The following SLC7A14 variants were observed in gnomAD, a reference collection of about 807,000 sequenced individuals.
SLC7A14 encodes solute carrier family 7 member 14, also known as gamma-aminobutyric acid transporter SLC7A14.
A neutral mutation model predicts 60.2 loss-of-function variants in SLC7A14; 37 were observed. The observed-to-expected ratio is 0.61, with a 90% CI of 0.47 to 0.81. The LOEUF is 0.81. Ranked by LOEUF, SLC7A14 falls within the 30% of genes least tolerant of loss-of-function variation. The pLI, the probability that SLC7A14 is intolerant of heterozygous loss-of-function variation, is 0.00. For missense variants in SLC7A14, 886 were observed against 982.7 expected (o/e 0.90, Z 1.32); for synonymous variants, 399 against 395.8 (o/e 1.01, Z -0.10).
chr3:170,503,785 T>G (rs1052651514), intron 2 of SLC7A14, among the ~76,000 whole-genome samples: 1 of 152,208 alleles, frequency 6.6e-6, no homozygotes, highest in African/African-American at 2.4e-5. Context: ...AATACCCCCA[T>G]TTTGCCACCA....
At position 170,480,761 on chromosome 3, in the gene SLC7A14, G is replaced by T; in HGVS notation, c.1521C>A (p.Asn507Lys). Residue 507 changes from asparagine (N) to lysine (K), a missense_variant, in exon 7 of 8, where the codon AAC (asparagine) becomes AAA (lysine). Asn to Lys is a moderately conservative substitution (Grantham distance 94, BLOSUM62 0). Coordinates refer to ENST00000231706, the MANE Select transcript of SLC7A14 (RefSeq NM_020949.3). ...TGTCCACGGTGCCGTAATTGGGGTG[G>T]TTGACGTTGTAGGTTGACTTGTCTG... ...GKSDKSTYNV[N>K]HPNYGTVDMT... The T allele has an allele frequency of 1.2e-6, 2 of 1,614,202 alleles. No homozygotes were observed. Among genetic ancestry groups the T allele is most frequent in the Non-Finnish European group, 1.7e-6 (2 of 1,180,042 alleles).
In SLC7A14 at chr3:170,510,545, C is replaced by T. The variant is rs192473065; in HGVS notation, c.305-9200G>A. On this transcript the variant is annotated intron_variant, in intron 2 of 7. Transcript: ENST00000231706. Reference sequence around the variant, plus strand: ...GAATTCAAGTATTATCTTGTCTGGTCATGCTATTGTTAATAATCATCATCA... The same window carrying T: ...GAATTCAAGTATTATCTTGTCTGGTTATGCTATTGTTAATAATCATCATCA... Among the ~76,000 whole-genome samples, 6 of 152,178 alleles carry T rather than the reference C, an allele frequency of 3.9e-5. No homozygotes were observed. The East Asian group carries it at 1.2e-3, about 29-fold the overall frequency.
chr3:170,498,840 C>T lies in SLC7A14; in HGVS notation c.586G>A (p.Ala196Thr), dbSNP rs761119299. 158 of 1,613,968 alleles carry T rather than the reference C, an allele frequency of 9.8e-5. No homozygotes were observed. The East Asian group carries it at 1.3e-3, about 13-fold the overall frequency. The change falls in exon 4 of 8, where the codon GCG becomes ACG. Residue 196 changes from alanine (A) to threonine (T), a missense_variant. Transcript: ENST00000231706. ...SYPDLLALLI[A>T]VIVTIIVALG... ...GCAACAATGATGGTCACGATGACCG[C>T]GATCAACAGAGCCAGAAGGTCTGGG...
At chr3:170,469,225 T>TTGCTGCTG (rs1301424842) in intron 7 of SLC7A14, among the ~76,000 whole-genome samples, 1 of 152,192 alleles carries the variant, frequency 6.6e-6, no homozygotes, top group Non-Finnish European at 1.5e-5. Context: ...CAAGCCTGCT[T>TTGCTGCTG]TGCTGCTGTG....
At chr3:170,515,312 G>GCCCC in intron 2 of SLC7A14, among the ~76,000 whole-genome samples, 1 of 113,348 alleles carries the variant, frequency 8.8e-6, no homozygotes, top group African/African-American at 3.0e-5. Flanking sequence ...GACTCTGTCC[G>GCCCC]CCCCCCCCAA....
At chr3:170,560,191 T>G (rs900834560) in intron 1 of SLC7A14, among the ~76,000 whole-genome samples, 4 of 152,172 alleles carry the variant, frequency 2.6e-5, no homozygotes, top group Non-Finnish European at 5.9e-5. Flanking sequence ...GAAAAATTTC[T>G]TTTCTTAAGT....
In SLC7A14 at chr3:170,480,524, A is replaced by T. The variant is rs1711775138; in HGVS notation, c.1758T>A (p.Gly586=). The T allele has an allele frequency of 2.5e-6, 4 of 1,614,222 alleles. No homozygotes were observed. Among genetic ancestry groups the T allele is most frequent in the Admixed American group, 1.7e-5 (1 of 60,022 alleles). ...AGCTCTGCTCTGAGATGTAGTCAGA[A>T]CCAAAGATGATGAAGGAGCAGAAGA... ...MFIFCSFIIF[G]SDYISEQSWW... is the part of the protein sequence containing the mutation. Residue 586 remains glycine, a synonymous_variant, in exon 7 of 8, where the codon GGT becomes GGA. Coordinates refer to ENST00000231706, the MANE Select transcript of SLC7A14 (RefSeq NM_020949.3).
chr3:170,563,330 G>T (rs771386474), intron 1 of SLC7A14, among the ~76,000 whole-genome samples: 1 of 150,386 alleles, frequency 6.6e-6, no homozygotes, highest in East Asian at 1.9e-4. Flanking sequence ...TGTGTACCCC[G>T]CCCATTTGCA....
chr3:170,498,802 C>T lies in SLC7A14; in HGVS notation c.624G>A (p.Lys208=). 6.2e-7 allele frequency: 1 copy of T among 1,614,176 alleles called. No individual in the cohort carries two copies. Among genetic ancestry groups the T allele is most frequent in the Non-Finnish European group, 8.5e-7 (1 of 1,180,046 alleles). Residue 208 remains lysine, a synonymous_variant, in exon 4 of 8, where the codon AAG becomes AAA. Coordinates refer to ENST00000231706, the MANE Select transcript of SLC7A14 (RefSeq NM_020949.3). Reference sequence around the variant, plus strand: ...GAACATTGTTGAAGCCTATGGAATTCTTCACCCCCAGAGCAACAATGATGG... The same window carrying T: ...GAACATTGTTGAAGCCTATGGAATTTTTCACCCCCAGAGCAACAATGATGG... The part of the protein sequence containing the change: ...IVTIIVALGV[K]NSIGFNNVLN...
chr3:170,539,617 C>T (rs1212589282), intron 1 of SLC7A14, among the ~76,000 whole-genome samples: 5 of 152,086 alleles, frequency 3.3e-5, no homozygotes, highest in African/African-American at 9.7e-5. Flanking sequence ...ACTGCAAACT[C>T]CTTGAAGGTA....
intron 1 of SLC7A14, among the ~76,000 whole-genome samples, chr3:170,582,466 T>A (rs1005431011): frequency 6.6e-6 from 1 of 152,196 alleles, no homozygotes; most frequent in Non-Finnish European, 1.5e-5. Context: ...TTATAAATAG[T>A]TACATGTGGC....
intron 7 of SLC7A14, among the ~76,000 whole-genome samples, chr3:170,467,578 A>G (rs1739755912): frequency 6.6e-6 from 1 of 152,184 alleles, no homozygotes; most frequent in Non-Finnish European, 1.5e-5. Flanking sequence ...ATCTTGCGTT[A>G]AGTAACCCAT....
chr3:170,468,103 T>A lies in SLC7A14; in HGVS notation c.1994-726A>T, dbSNP rs539240171. On this transcript the variant is annotated intron_variant, in intron 7 of 7. Transcript: ENST00000231706. ...GACTCTGCAGAAAATTGGCACTTAA[T>A]GTTTGTTGAATGAATGGGTGAGAAC... Among the ~76,000 whole-genome samples the A allele has an allele frequency of 8.5e-5, 13 of 152,322 alleles. No individual in the cohort carries two copies. The South Asian group carries it at 2.7e-3, about 32-fold the overall frequency.
rs538702346 is a variant in SLC7A14, at chr3:170,535,154, C to G, written c.-152-8066G>C. ...TGCATGTGTGGCCACAGTCTGGCATCACCTTCCACTCTTCTCCCGCAGATC... is the reference window on the plus strand; with the variant it reads ...TGCATGTGTGGCCACAGTCTGGCATGACCTTCCACTCTTCTCCCGCAGATC... On this transcript the variant is annotated intron_variant, in intron 1 of 7. Coordinates refer to ENST00000231706, the MANE Select transcript of SLC7A14 (RefSeq NM_020949.3). The surrounding 1 kb of genome is among the most constrained non-coding windows in gnomAD (Gnocchi z 4.3). Among the ~76,000 whole-genome samples the G allele has an allele frequency of 1.3e-5, 2 of 152,098 alleles. No individual in the cohort carries two copies. The highest frequency in any genetic ancestry group is 4.2e-4 in the South Asian group (2 of 4,814).
At chr3:170,520,302 G>A (rs575298962) in intron 2 of SLC7A14, among the ~76,000 whole-genome samples, 2 of 152,280 alleles carry the variant, frequency 1.3e-5, no homozygotes, top group Admixed American at 6.5e-5. Context: ...AAAATAATGG[G>A]TTATGCACTT....
intron 4 of SLC7A14, among the ~76,000 whole-genome samples, chr3:170,491,911 A>G (rs2108274992): frequency 2.6e-5 from 4 of 152,296 alleles, no homozygotes; most frequent in Middle Eastern, 6.8e-3. Context: ...GTCAAACCAA[A>G]CTTGGCCTAA....
At chr3:170,538,215 C>T (rs144350764) in intron 1 of SLC7A14, among the ~76,000 whole-genome samples, 1 of 152,192 alleles carries the variant, frequency 6.6e-6, no homozygotes, top group African/African-American at 2.4e-5. Flanking sequence ...TACTTCCTCC[C>T]CAGTCAATAG....
intron 6 of SLC7A14, 58 bp from the exon 7 acceptor site, chr3:170,481,224 C>G (rs934939615): frequency 6.5e-7 from 1 of 1,533,768 alleles, no homozygotes; most frequent in Non-Finnish European, 8.8e-7. Context: ...GATTCCAGTG[C>G]AGCCAACATA....
At chr3:170,546,529 T>A (rs1428691408) in intron 1 of SLC7A14, among the ~76,000 whole-genome samples, 3 of 152,192 alleles carry the variant, frequency 2.0e-5, no homozygotes, top group African/African-American at 4.8e-5. Flanking sequence ...TATGGTGGTA[T>A]GAACAGAGAA....
Sources: gnomAD v4.1 joint callset for allele counts (sites outside exome capture counted in the v4.1 genomes callset) on GRCh38, gnomAD v4.1.1 for gene constraint, Gnocchi (gnomAD v3.1) non-coding constraint, MANE v1.5 for transcripts, NCBI Gene and HGNC (gene_info 2026-07-23, HGNC 2026-07-21) for gene names.